The following MAPKBP1 variants were observed in gnomAD, a reference collection of about 807,000 sequenced individuals.
MAPKBP1 encodes the protein mitogen-activated protein kinase binding protein 1, also known as mitogen-activated protein kinase-binding protein 1.
In MAPKBP1, 71 loss-of-function variants were observed where a neutral mutation model predicts 170.5. The observed-to-expected ratio is 0.42, with a 90% CI of 0.34 to 0.51. MAPKBP1 has a LOEUF of 0.51. Among genes scored for constraint, MAPKBP1 ranks in the 20% least tolerant of loss-of-function variants. The pLI, the probability that MAPKBP1 is intolerant of heterozygous loss-of-function variation, is 0.06. For missense variants in MAPKBP1, 1,598 were observed against 1,933.0 expected (o/e 0.83, Z 3.25); for synonymous variants, 719 against 757.9 (o/e 0.95, Z 0.84).
At chr15:41,783,147 T>G (rs971886987) in intron 2 of MAPKBP1, among the ~76,000 whole-genome samples, 2 of 152,186 alleles carry the variant, frequency 1.3e-5, no homozygotes, top group Non-Finnish European at 2.9e-5. Flanking sequence ...TTGGTTGTTT[T>G]TGTGTGTGGG....
intron 3 of MAPKBP1, among the ~76,000 whole-genome samples, chr15:41,809,984 A>G (rs1316027622): frequency 6.6e-6 from 1 of 152,106 alleles, no homozygotes; most frequent in East Asian, 1.9e-4. Flanking sequence ...GGCTATCTCT[A>G]TCCCCCACCC....
chr15:41,825,027 C>T (rs948861756), intron 30 of MAPKBP1, 182 bp from the exon 31 acceptor site: 1 of 566,692 alleles, frequency 1.8e-6, no homozygotes, highest in Non-Finnish European at 3.2e-6. Flanking sequence ...CAATGGGTTC[C>T]TCCTTGGGCG....
intron 2 of MAPKBP1, among the ~76,000 whole-genome samples, chr15:41,790,909 C>CT (rs2064385122): frequency 6.6e-6 from 1 of 152,234 alleles, no homozygotes; most frequent in Non-Finnish European, 1.5e-5. Flanking sequence ...GCCCTACTGT[C>CT]TAAGTCTCTG....
In MAPKBP1 at chr15:41,810,735, A is replaced by G. The variant is rs552064102; in HGVS notation, c.207-148A>G. ...CCTGTCTCAAAAAAAAAAAAAAAAA[A>G]AAAAGAAAAGGAAAAAAACAGTGGA... is the stretch of plus-strand genomic sequence containing the variant. On this transcript the variant is annotated intron_variant, in intron 3 of 30. Transcript: ENST00000457542. 8.9e-4 allele frequency: 544 copies of G among 609,618 alleles called. 3 individuals are homozygous for G. The highest frequency in any genetic ancestry group is 1.3e-3 in the Non-Finnish European group (446 of 343,820). 37.8% of individuals were successfully genotyped at this position (609,618 alleles called of 1,614,324 possible). A position where few individuals can be genotyped will look rare whatever the true frequency, so the allele number is the denominator to read the frequency against.
Position 41,812,128 on chromosome 15 carries a change from G to A in MAPKBP1, c.498+1G>A. On this transcript the variant is annotated splice_donor_variant, in intron 6 of 30. Coordinates refer to ENST00000457542, the MANE Select transcript of MAPKBP1 (RefSeq NM_014994.3). LOFTEE classifies it high-confidence loss of function. ...GATCGTCAACGTGTGGGCCTGGAAG[G>A]TGAGTGGCTGGGTGGGGTGGCCTGG... is the stretch of plus-strand genomic sequence containing the variant. 6.2e-7 allele frequency: 1 copy of A among 1,614,150 alleles called. No homozygotes were observed. The highest frequency in any genetic ancestry group is 8.5e-7 in the Non-Finnish European group (1 of 1,180,016).
At chr15:41,785,760 T>C (rs899151513) in intron 2 of MAPKBP1, among the ~76,000 whole-genome samples, 7 of 152,312 alleles carry the variant, frequency 4.6e-5, no homozygotes, top group East Asian at 1.9e-4. Flanking sequence ...TGTGAAGATA[T>C]AGGTGCAATC....
intron 30 of MAPKBP1, chr15:41,824,960 G>C: frequency 2.0e-6 from 1 of 490,528 alleles, no homozygotes; most frequent in Non-Finnish European, 3.6e-6. Context: ...AGAGAAAGCA[G>C]ATTCTGCCGG....
At chr15:41,812,727 C>T in intron 7 of MAPKBP1, 74 bp downstream of exon 7, 5 of 1,515,648 alleles carry the variant, frequency 3.3e-6, no homozygotes, top group Non-Finnish European at 4.4e-6. Context: ...GGAGACTCTG[C>T]CCCACTTGGG....
At chr15:41,813,414 C>T in intron 8 of MAPKBP1, 2 of 1,486,764 alleles carry the variant, frequency 1.3e-6, no homozygotes, top group East Asian at 4.5e-5. Flanking sequence ...GCTTTTCCTA[C>T]TGGATCCTCT....
chr15:41,806,253 T>C (rs2152076089), intron 3 of MAPKBP1, among the ~76,000 whole-genome samples: 1 of 152,302 alleles, frequency 6.6e-6, no homozygotes, highest in South Asian at 2.1e-4. Context: ...GCGGTAGCAG[T>C]GACGGAGGTA....
chr15:41,786,754 G>T, intron 2 of MAPKBP1, among the ~76,000 whole-genome samples: 1 of 28,552 alleles, frequency 3.5e-5, no homozygotes, highest in Admixed American at 4.7e-4. Context: ...GACAGAGCCA[G>T]ACTCCGTCTA....
At chr15:41,821,089 C>T in intron 23 of MAPKBP1, 21 bp downstream of exon 23, 2 of 1,610,236 alleles carry the variant, frequency 1.2e-6, no homozygotes, top group South Asian at 1.1e-5. Flanking sequence ...TTTCTCCCAG[C>T]TCTCTAGAGA....
chr15:41,784,287 C>G (rs2064242062), intron 2 of MAPKBP1, among the ~76,000 whole-genome samples: 1 of 152,158 alleles, frequency 6.6e-6, no homozygotes, highest in Admixed American at 6.6e-5. Flanking sequence ...CGTACAGCAG[C>G]TGTCACTGAG....
At chr15:41,799,181 G>A (rs771374303) in intron 2 of MAPKBP1, among the ~76,000 whole-genome samples, 9 of 151,982 alleles carry the variant, frequency 5.9e-5, no homozygotes, top group African/African-American at 9.7e-5. Flanking sequence ...TGGGAGTTGC[G>A]GCTTAGTAAT....
At chr15:41,779,688 G>A (rs898225934) in intron 2 of MAPKBP1, among the ~76,000 whole-genome samples, 2 of 152,104 alleles carry the variant, frequency 1.3e-5, no homozygotes, top group South Asian at 2.1e-4. Flanking sequence ...TTGCCTCTGC[G>A]CCAGGCTCCA....
chr15:41,824,705 T>C lies in MAPKBP1; in HGVS notation c.4299+136T>C, dbSNP rs28401754. 283,252 of 895,498 alleles carry C rather than the reference T, an allele frequency of 0.32. 47,671 individuals are homozygous for C. Among genetic ancestry groups the C allele is most frequent in the Admixed American group, 0.38 (16,281 of 42,386 alleles). The allele number at this position is 895,498 out of a possible 1,614,324, so 55.5% of individuals were successfully genotyped here. A position where few individuals can be genotyped will look rare whatever the true frequency, so the allele number is the denominator to read the frequency against. On this transcript the variant is annotated intron_variant, in intron 30 of 30. Coordinates refer to ENST00000457542, the MANE Select transcript of MAPKBP1 (RefSeq NM_014994.3). Reference sequence around the variant, plus strand: ...ACACTCAAGAACATCTTGGGCAGCATAGGTGAGGGGGTTAGAGGCCAGGCT... The same window carrying C: ...ACACTCAAGAACATCTTGGGCAGCACAGGTGAGGGGGTTAGAGGCCAGGCT...
intron 22 of MAPKBP1, among the ~76,000 whole-genome samples, chr15:41,820,246 G>C (rs112948067): frequency 6.6e-6 from 1 of 152,170 alleles, no homozygotes; most frequent in African/African-American, 2.4e-5. Flanking sequence ...TGATGATGCT[G>C]TGGTGTCTCT....
chr15:41,774,535 C>T lies in MAPKBP1; in HGVS notation c.-185C>T, dbSNP rs1041243074. On this transcript the variant is annotated 5_prime_UTR_variant, in exon 1 of 31. Coordinates refer to ENST00000457542, the MANE Select transcript of MAPKBP1 (RefSeq NM_014994.3). The stretch of plus-strand genomic sequence containing the variant: ...GCTGCTGCCTCTACCGCTGCGGCTA[C>T]CGCGGCGGAGCTGAAATTGCCGAAC... 15 of 398,522 alleles carry T rather than the reference C, an allele frequency of 3.8e-5. No individual in the cohort carries two copies. The highest frequency in any genetic ancestry group is 1.9e-4 in the African/African-American group (9 of 48,644). 24.7% of individuals were successfully genotyped at this position (398,522 alleles called of 1,614,324 possible). A position where few individuals can be genotyped will look rare whatever the true frequency, so the allele number is the denominator to read the frequency against.
At position 41,826,959 on chromosome 15, in the gene MAPKBP1, C is replaced by T. The variant is rs1459082812; in HGVS notation, c.*1523C>T. 6.6e-6 allele frequency: 1 copy of T among 152,208 alleles called. No individual in the cohort carries two copies. Among genetic ancestry groups the T allele is most frequent in the Non-Finnish European group, 1.5e-5 (1 of 68,104 alleles). 9.4% of individuals were successfully genotyped at this position (152,208 alleles called of 1,614,324 possible). A position where few individuals can be genotyped will look rare whatever the true frequency, so the allele number is the denominator to read the frequency against. ...TACCACAGCTTCAGGCCACGAGAGC[C>T]CCTTCACCCGCCCTGCTGCGCCATA... On this transcript the variant is annotated 3_prime_UTR_variant, in exon 31 of 31. Coordinates refer to ENST00000457542, the MANE Select transcript of MAPKBP1 (RefSeq NM_014994.3).
Sources: gnomAD v4.1 joint callset for allele counts (sites outside exome capture counted in the v4.1 genomes callset) on GRCh38, gnomAD v4.1.1 for gene constraint, MANE v1.5 for transcripts, NCBI Gene and HGNC (gene_info 2026-07-23, HGNC 2026-07-21) for gene names.